The following SDK1 variants were observed in gnomAD, a reference collection of about 807,000 sequenced individuals.
The protein encoded by SDK1 is protein sidekick-1.
Under a neutral mutation model 245.5 loss-of-function variants are expected in SDK1, and 157 were observed. That is an observed-to-expected ratio of 0.64 (90% CI 0.56 to 0.73). The LOEUF is 0.73. Ranked by LOEUF, SDK1 falls within the 30% of genes least tolerant of loss-of-function variation. SDK1 has a pLI of 0.00. For synonymous variants in SDK1, 1,647 were observed against 1,278.5 expected (o/e 1.29, Z -6.15); for missense variants, 3,583 against 3,002.3 (o/e 1.19, Z -4.52).
intron 5 of SDK1, among the ~76,000 whole-genome samples, chr7:3,933,176 T>C (rs1780041956): frequency 6.9e-6 from 1 of 144,764 alleles, no homozygotes; most frequent in African/African-American, 2.6e-5. Flanking sequence ...AGTGGCTTGA[T>C]CATAGCTCAC....
chr7:3,672,634 A>T (rs1783740238), intron 4 of SDK1, among the ~76,000 whole-genome samples: 1 of 141,098 alleles, frequency 7.1e-6, no homozygotes, highest in Admixed American at 7.4e-5. Context: ...AATAATATAT[A>T]TTAAATATAT....
intron 1 of SDK1, among the ~76,000 whole-genome samples, chr7:3,581,018 A>G (rs1171067343): frequency 6.6e-6 from 1 of 150,986 alleles, no homozygotes; most frequent in Non-Finnish European, 1.5e-5. Context: ...CTGGAAGACA[A>G]TCTATGCATT....
chr7:3,779,522 T>C (rs990069528), intron 4 of SDK1, among the ~76,000 whole-genome samples: 2 of 152,238 alleles, frequency 1.3e-5, no homozygotes, highest in African/African-American at 4.8e-5. Context: ...ACATCGGTGA[T>C]TGGAAAACCG....
At chr7:4,112,576 G>T (rs955489958) in intron 23 of SDK1, among the ~76,000 whole-genome samples, 4 of 152,074 alleles carry the variant, frequency 2.6e-5, no homozygotes, top group African/African-American at 9.7e-5. Context: ...ATAGCTACTT[G>T]CACTTTAACC....
At chr7:3,767,328 G>A (rs1780282595) in intron 4 of SDK1, among the ~76,000 whole-genome samples, 1 of 152,114 alleles carries the variant, frequency 6.6e-6, no homozygotes, top group Admixed American at 6.6e-5. Context: ...TTGTGTCTAA[G>A]GGGATTGAGC....
At chr7:3,589,676 C>T (rs1583201463) in intron 1 of SDK1, among the ~76,000 whole-genome samples, 1 of 152,038 alleles carries the variant, frequency 6.6e-6, no homozygotes, top group South Asian at 2.1e-4. Flanking sequence ...GAGGAACTGC[C>T]CTTTATAAAA....
At chr7:3,745,355 CAAG>C (rs1437121010) in intron 4 of SDK1, among the ~76,000 whole-genome samples, 2 of 152,132 alleles carry the variant, frequency 1.3e-5, no homozygotes, top group Admixed American at 1.3e-4. Context: ...TGTAGACTCA[CAAG>C]AAGTTGTAAA....
intron 1 of SDK1, among the ~76,000 whole-genome samples, chr7:3,464,698 G>GTATGTA (rs1554275278): frequency 6.8e-5 from 10 of 148,114 alleles, no homozygotes; most frequent in African/African-American, 2.5e-4. Context: ...GTGTATGTAT[G>GTATGTA]TATATATATA....
chr7:3,457,160 C>T (rs536402685), intron 1 of SDK1, among the ~76,000 whole-genome samples: 2 of 152,210 alleles, frequency 1.3e-5, no homozygotes, highest in African/African-American at 2.4e-5. Flanking sequence ...TACTGGGATT[C>T]TGTTTGGTCC....
intron 32 of SDK1, 99 bp from the exon 33 acceptor site, chr7:4,174,123 G>A (rs552530437): frequency 3.3e-4 from 450 of 1,353,486 alleles, no homozygotes; most frequent in Middle Eastern, 9.7e-4. Flanking sequence ...ACTTTCTTCT[G>A]TGCAGCTGGC....
At chr7:4,102,662 T>C (rs1196015697) in intron 22 of SDK1, among the ~76,000 whole-genome samples, 1 of 151,892 alleles carries the variant, frequency 6.6e-6, no homozygotes, top group African/African-American at 2.4e-5. Flanking sequence ...CCAGCAGGGG[T>C]GTTCCTGGTC....
At chr7:3,638,154 A>T (rs542959446) in intron 2 of SDK1, among the ~76,000 whole-genome samples, 1 of 152,246 alleles carries the variant, frequency 6.6e-6, no homozygotes, top group Non-Finnish European at 1.5e-5. Context: ...TACCATGGTT[A>T]CAGTGATGAA....
intron 1 of SDK1, among the ~76,000 whole-genome samples, chr7:3,381,783 G>C (rs993902811): frequency 7.9e-5 from 12 of 152,232 alleles, no homozygotes; most frequent in African/African-American, 2.6e-4. Context: ...CATGAAATGC[G>C]GGTAATTGGG....
intron 4 of SDK1, among the ~76,000 whole-genome samples, chr7:3,691,389 C>T (rs1784433790): frequency 6.6e-6 from 1 of 152,146 alleles, no homozygotes; most frequent in Non-Finnish European, 1.5e-5. Flanking sequence ...CCCTCCACTT[C>T]AGCTGTGGAA....
chr7:3,931,325 C>A (rs932642449), intron 5 of SDK1, among the ~76,000 whole-genome samples: 1 of 152,158 alleles, frequency 6.6e-6, no homozygotes, highest in Non-Finnish European at 1.5e-5. Context: ...TATTCCTACC[C>A]TAAGTGCAAA....
intron 5 of SDK1, among the ~76,000 whole-genome samples, chr7:3,923,492 G>A (rs960125531): frequency 6.6e-6 from 1 of 152,186 alleles, no homozygotes; most frequent in Admixed American, 6.5e-5. Flanking sequence ...GTGTGCTCAA[G>A]AGGTTCTCTC....
chr7:3,513,644 TTTTA>T (rs750497754), intron 1 of SDK1, among the ~76,000 whole-genome samples: 4 of 152,222 alleles, frequency 2.6e-5, no homozygotes, highest in Non-Finnish European at 5.9e-5. Flanking sequence ...TAATTTCAAC[TTTTA>T]TTTTAGATTA....
chr7:4,174,818 C>T (rs1000597508), intron 33 of SDK1, among the ~76,000 whole-genome samples: 1 of 152,162 alleles, frequency 6.6e-6, no homozygotes. Context: ...ATGATCGTTG[C>T]TCTGACGAGG....
intron 4 of SDK1, among the ~76,000 whole-genome samples, chr7:3,681,032 A>G (rs1017080501): frequency 6.6e-6 from 1 of 152,024 alleles, no homozygotes; most frequent in Non-Finnish European, 1.5e-5. Context: ...TTTAGTAGAG[A>G]TGGGGTTTCG....
Sources: allele counts gnomAD v4.1 joint callset (sites outside exome capture counted in the v4.1 genomes callset), GRCh38; gene constraint gnomAD v4.1.1; transcripts MANE v1.5; gene names NCBI Gene and HGNC (gene_info 2026-07-23, HGNC 2026-07-21).